The following CDH18 variants were observed in gnomAD, a reference collection of about 807,000 sequenced individuals.
The protein encoded by CDH18 is cadherin-18.
A neutral mutation model predicts 67.9 loss-of-function variants in CDH18; 31 were observed. The observed-to-expected ratio is 0.46, with a 90% CI of 0.34 to 0.62. The LOEUF (loss-of-function observed/expected upper bound fraction) is 0.62. CDH18 is among the 20% of genes least tolerant of loss of function. CDH18 has a pLI of 0.01. For missense variants in CDH18, 890 were observed against 975.5 expected, an observed-to-expected ratio of 0.91 and a Z score of 1.17; for synonymous variants, 362 against 347.2, an observed-to-expected ratio of 1.04 and a Z score of -0.48.
intron 1 of CDH18, among the ~76,000 whole-genome samples, chr5:20,379,672 T>G (rs1270488468): frequency 2.0e-5 from 3 of 152,142 alleles, no homozygotes; most frequent in African/African-American, 7.2e-5. Context: ...TCCTTAAAAT[T>G]ACTTAAATGT....
intron 4 of CDH18, among the ~76,000 whole-genome samples, chr5:19,731,696 A>G (rs975628716): frequency 6.6e-6 from 1 of 152,208 alleles, no homozygotes; most frequent in Non-Finnish European, 1.5e-5. Flanking sequence ...GAAGTATTCT[A>G]TCAATTATCT....
At chr5:20,112,268 C>T (rs1747540859) in intron 2 of CDH18, among the ~76,000 whole-genome samples, 1 of 152,184 alleles carries the variant, frequency 6.6e-6, no homozygotes, top group Non-Finnish European at 1.5e-5. Flanking sequence ...TCCAAATAAT[C>T]ATCTCATGCT....
chr5:20,116,462 G>A (rs2126383194), intron 2 of CDH18, among the ~76,000 whole-genome samples: 1 of 151,948 alleles, frequency 6.6e-6, no homozygotes, highest in East Asian at 1.9e-4. Flanking sequence ...GTTACAGTGA[G>A]CTGAGATTGC....
chr5:19,527,984 G>A (rs771410972), intron 9 of CDH18, among the ~76,000 whole-genome samples: 23 of 151,692 alleles, frequency 1.5e-4, no homozygotes, highest in Non-Finnish European at 3.0e-4. Flanking sequence ...ACTTTGTTCC[G>A]TTAACCAGAA....
intron 3 of CDH18, among the ~76,000 whole-genome samples, chr5:19,768,195 A>T (rs1337986827): frequency 6.6e-6 from 1 of 152,142 alleles, no homozygotes; most frequent in Non-Finnish European, 1.5e-5. Flanking sequence ...GAATTTACCT[A>T]ATGCAAATAG....
In CDH18 at chr5:19,473,579, T is replaced by C; in HGVS notation, c.2020A>G (p.Thr674Ala). Residue 674 changes from threonine (T) to alanine (A), a missense_variant, in exon 13 of 13, where the codon ACA becomes GCA. Physicochemically the swap from Thr to Ala is moderately conservative, Grantham distance 58. Coordinates refer to ENST00000382275, the MANE Select transcript of CDH18 (RefSeq NM_004934.5). ...GCAGCAGAAGGATTCCTCAAGGCTG[T>C]GATGTCAAAGGCCTCTGTGTCTTCC... ...GEEDTEAFDI[T>A]ALRNPSAAEE... 1 of 1,613,834 alleles carries C rather than the reference T, an allele frequency of 6.2e-7. No homozygotes were observed. Among genetic ancestry groups the C allele is most frequent in the Non-Finnish European group, 8.5e-7 (1 of 1,179,854 alleles).
chr5:20,051,080 C>T (rs559485734), intron 2 of CDH18, among the ~76,000 whole-genome samples: 6 of 151,902 alleles, frequency 3.9e-5, no homozygotes, highest in South Asian at 2.1e-4. Context: ...AATGTATTAA[C>T]GTATTTTACT....
intron 1 of CDH18, among the ~76,000 whole-genome samples, chr5:20,401,535 A>G (rs563718836): frequency 6.6e-6 from 1 of 152,280 alleles, no homozygotes; most frequent in Admixed American, 6.5e-5. Context: ...ATACCAAGTG[A>G]TAAACCTGTA....
chr5:20,025,753 A>G (rs1738839549), intron 2 of CDH18, among the ~76,000 whole-genome samples: 2 of 152,180 alleles, frequency 1.3e-5, no homozygotes, highest in African/African-American at 4.8e-5. Flanking sequence ...ATTTTCCTCT[A>G]ATCAGTTCAG....
At chr5:20,460,328 G>A (rs1245996831) in intron 1 of CDH18, among the ~76,000 whole-genome samples, 3 of 151,864 alleles carry the variant, frequency 2.0e-5, no homozygotes, top group Non-Finnish European at 4.4e-5. Flanking sequence ...GGAGGTGGAG[G>A]TTGCAGTGAG....
At chr5:19,728,097 A>G (rs1273501758) in intron 4 of CDH18, among the ~76,000 whole-genome samples, 4 of 152,128 alleles carry the variant, frequency 2.6e-5, no homozygotes, top group Admixed American at 2.6e-4. Flanking sequence ...TATTGTCTAA[A>G]ATTCCATTAT....
chr5:19,748,700 T>A (rs926131807), intron 3 of CDH18, among the ~76,000 whole-genome samples: 1 of 152,178 alleles, frequency 6.6e-6, no homozygotes, highest in South Asian at 2.1e-4. Flanking sequence ...ATGAACATTT[T>A]TGAGGTTTTA....
At chr5:19,722,301 C>T (rs113720479) in intron 4 of CDH18, among the ~76,000 whole-genome samples, 3,821 of 151,832 alleles carry the variant, frequency 0.025, 122 homozygotes, top group African/African-American at 0.074. Flanking sequence ...TGATCCGCCC[C>T]GCTCAGCCTC....
chr5:20,220,284 G>A (rs1741121316), intron 2 of CDH18, among the ~76,000 whole-genome samples: 2 of 151,954 alleles, frequency 1.3e-5, no homozygotes, highest in Admixed American at 1.3e-4. Flanking sequence ...CAGAGAGATA[G>A]ACCAATGAAA....
At chr5:20,278,051 G>A (rs1605662) in intron 1 of CDH18, among the ~76,000 whole-genome samples, 17,764 of 152,054 alleles carry the variant, frequency 0.12, 1,570 homozygotes, top group African/African-American at 0.24. Flanking sequence ...AAATCTAATA[G>A]TTATTGGCCT....
At chr5:20,174,971 A>G (rs763672899) in intron 2 of CDH18, among the ~76,000 whole-genome samples, 8 of 152,206 alleles carry the variant, frequency 5.3e-5, no homozygotes, top group Non-Finnish European at 8.8e-5. Context: ...TAGAAAAGCA[A>G]TGAGAAATCT....
At chr5:20,155,369 A>G (rs1751444105) in intron 2 of CDH18, among the ~76,000 whole-genome samples, 1 of 151,996 alleles carries the variant, frequency 6.6e-6, no homozygotes, top group Non-Finnish European at 1.5e-5. Flanking sequence ...TAGTATTGCT[A>G]TTGAAAAATG....
chr5:19,723,724 A>T (rs928834688), intron 4 of CDH18, among the ~76,000 whole-genome samples: 7 of 151,754 alleles, frequency 4.6e-5, no homozygotes, highest in African/African-American at 7.3e-5. Context: ...TATTATTATT[A>T]TTTTTTGAGA....
intron 2 of CDH18, among the ~76,000 whole-genome samples, chr5:19,882,019 A>G (rs902362559): frequency 6.6e-6 from 1 of 152,156 alleles, no homozygotes; most frequent in African/African-American, 2.4e-5. Context: ...GACTTAGATG[A>G]TGTCACATAC....
Sources: gnomAD v4.1 joint callset for allele counts (sites outside exome capture counted in the v4.1 genomes callset) on GRCh38, gnomAD v4.1.1 for gene constraint, MANE v1.5 for transcripts, NCBI Gene and HGNC (gene_info 2026-07-23, HGNC 2026-07-21) for gene names.